Variants in CEMIP2 observed in about 807,000 individuals in gnomAD.
CEMIP2 encodes cell migration inducing hyaluronidase 2.
CEMIP2 carries 79 observed loss-of-function variants against 146.9 expected under a neutral mutation model. The observed-to-expected ratio is 0.54, with a 90% confidence interval of 0.45 to 0.65. CEMIP2 has a LOEUF of 0.65. CEMIP2 is among the 30% of genes least tolerant of loss of function. CEMIP2 has a pLI of 0.00. For missense variants in CEMIP2, 1,596 were observed against 1,696.2 expected, an observed-to-expected ratio of 0.94 and a Z score of 1.04; for synonymous variants, 601 against 606.3, an observed-to-expected ratio of 0.99 and a Z score of 0.13.
At chr9:71,729,779 A>C in intron 10 of CEMIP2, 66 bp downstream of exon 10, 1 of 1,521,068 alleles carries the variant, frequency 6.6e-7, no homozygotes, top group South Asian at 1.1e-5. Context: ...TTAAATCCAA[A>C]TAAACCAGAC....
At chr9:71,741,898 G>T (rs1823932113) in intron 4 of CEMIP2, among the ~76,000 whole-genome samples, 1 of 151,638 alleles carries the variant, frequency 6.6e-6, no homozygotes, top group Admixed American at 6.6e-5. Flanking sequence ...TGACCTCCTT[G>T]GCCTCCTAAA....
intron 1 of CEMIP2, among the ~76,000 whole-genome samples, chr9:71,765,778 T>C (rs544583583): frequency 1.3e-5 from 2 of 152,304 alleles, no homozygotes; most frequent in Admixed American, 6.5e-5. Context: ...ATCTCTCTAG[T>C]TGCAAGTGAC....
chr9:71,734,526 A>T (rs996270772), intron 6 of CEMIP2, among the ~76,000 whole-genome samples: 1 of 152,192 alleles, frequency 6.6e-6, no homozygotes, highest in African/African-American at 2.4e-5. Flanking sequence ...AATAGAAAAG[A>T]CCTTGGAAAA....
intron 1 of CEMIP2, among the ~76,000 whole-genome samples, chr9:71,755,376 C>T (rs1824401248): frequency 6.9e-6 from 1 of 145,074 alleles, no homozygotes; most frequent in Admixed American, 7.0e-5. Context: ...CACACACACA[C>T]ACACAAAATT....
intron 1 of CEMIP2, among the ~76,000 whole-genome samples, chr9:71,762,159 G>A (rs1004646151): frequency 2.6e-5 from 4 of 152,062 alleles, no homozygotes; most frequent in Non-Finnish European, 5.9e-5. Context: ...CCTAGGCCAC[G>A]TGAAACCTAA....
intron 3 of CEMIP2, 99 bp downstream of exon 3, chr9:71,746,102 C>G: frequency 7.3e-7 from 1 of 1,362,720 alleles, no homozygotes; most frequent in Non-Finnish European, 1.0e-6. Context: ...AAACTAAAGC[C>G]TATTCTGCCT....
intron 7 of CEMIP2, among the ~76,000 whole-genome samples, chr9:71,731,360 T>G (rs1211068890): frequency 6.6e-6 from 1 of 152,224 alleles, no homozygotes; most frequent in Non-Finnish European, 1.5e-5. Context: ...ATCCAAAGTT[T>G]GAGCACTCTC....
intron 17 of CEMIP2, 36 bp downstream of exon 17, chr9:71,709,223 G>A (rs1444639992): frequency 6.3e-7 from 1 of 1,598,724 alleles, no homozygotes; most frequent in Admixed American, 1.7e-5. Flanking sequence ...GCAGGAGCTG[G>A]TAGGAACTTG....
chr9:71,758,873 C>T (rs1266731544), intron 1 of CEMIP2, among the ~76,000 whole-genome samples: 1 of 152,202 alleles, frequency 6.6e-6, no homozygotes, highest in Non-Finnish European at 1.5e-5. Context: ...CACTGTCCCA[C>T]AAGGCGCATT....
In CEMIP2 at chr9:71,715,088, C is replaced by T; in HGVS notation, c.2437G>A (p.Asp813Asn). The change falls in exon 15 of 24, where the codon GAT becomes AAT. Residue 813 changes from aspartate (D) to asparagine (N), a missense_variant and splice_region_variant. Coordinates refer to ENST00000377044, the MANE Select transcript of CEMIP2 (RefSeq NM_013390.3). ...DNGIGLTFAS[D>N]GSFPSDEGSS... ...CCTTCATCACTTGGGAAGCTTCCATCACTGTTAAAATGCGAACAATCATTA... is the reference window on the plus strand; with the variant it reads ...CCTTCATCACTTGGGAAGCTTCCATTACTGTTAAAATGCGAACAATCATTA... The T allele has an allele frequency of 6.2e-7, 1 of 1,613,354 alleles. No individual in the cohort carries two copies. The highest frequency in any genetic ancestry group is 8.5e-7 in the Non-Finnish European group (1 of 1,179,732).
Position 71,723,792 on chromosome 9 carries a change from GGTGTGTGCCT to G in CEMIP2, c.2179-1287_2179-1278del, listed in dbSNP as rs1016147642. 6.6e-5 allele frequency among the ~76,000 whole-genome samples: 10 copies of G among 152,196 alleles called. 1 individual carries two copies. Among genetic ancestry groups the G allele is most frequent in the East Asian group, 3.9e-4 (2 of 5,176 alleles). ...CAGTGTGTGTGTGCGCACACATGTGGGTGTGTGCCTGTGTGTGCATGTATGTGTTTATGAG... is the reference window on the plus strand; with the variant it reads ...CAGTGTGTGTGTGCGCACACATGTGGGTGTGTGCATGTATGTGTTTATGAG... On this transcript the variant is annotated intron_variant, in intron 11 of 23. Coordinates refer to ENST00000377044, the MANE Select transcript of CEMIP2 (RefSeq NM_013390.3).
At chr9:71,756,861 A>G (rs550801650) in intron 1 of CEMIP2, among the ~76,000 whole-genome samples, 2 of 152,232 alleles carry the variant, frequency 1.3e-5, no homozygotes, top group East Asian at 3.8e-4. Context: ...ACATTATGAA[A>G]TGCAGTAGGC....
At chr9:71,699,909 C>T (rs1397786214) in intron 19 of CEMIP2, among the ~76,000 whole-genome samples, 1 of 152,218 alleles carries the variant, frequency 6.6e-6, no homozygotes, top group Non-Finnish European at 1.5e-5. Flanking sequence ...CTTTCCTTCT[C>T]TAATGACTTG....
At position 71,692,120 on chromosome 9, in the gene CEMIP2, G is replaced by GA. The variant is rs1172373191; in HGVS notation, c.3697-1875dup. On this transcript the variant is annotated intron_variant, in intron 21 of 23. Transcript: ENST00000377044. The stretch of plus-strand genomic sequence containing the variant: ...CGAGACTCTATCTTAAAAAAAAAAA[G>GA]AAAAAAAAAAACAACCAAAAACCCC... 2.0e-3 allele frequency among the ~76,000 whole-genome samples: 255 copies of GA among 129,992 alleles called. 1 individual carries two copies. Among genetic ancestry groups the GA allele is most frequent in the African/African-American group, 5.0e-3 (173 of 34,288 alleles). The allele number at this position is 129,992 out of a possible 152,430, so 85.3% of individuals were successfully genotyped here.
chr9:71,746,677 T>C (rs1824101010), intron 2 of CEMIP2, among the ~76,000 whole-genome samples: 1 of 148,678 alleles, frequency 6.7e-6, no homozygotes, highest in Non-Finnish European at 1.5e-5. Flanking sequence ...AAATTATACA[T>C]TCTCTTGGGA....
chr9:71,760,415 T>C (rs1183087391), intron 1 of CEMIP2, among the ~76,000 whole-genome samples: 1 of 143,786 alleles, frequency 7.0e-6, no homozygotes, highest in African/African-American at 2.4e-5. Context: ...CTTCTTAAAG[T>C]GAAATAAATG....
intron 6 of CEMIP2, among the ~76,000 whole-genome samples, 188 bp downstream of exon 6, chr9:71,734,618 T>A (rs967053751): frequency 2.0e-5 from 3 of 152,172 alleles, no homozygotes; most frequent in African/African-American, 7.2e-5. Flanking sequence ...TATTGCTCAA[T>A]AGCTATTTTT....
At chr9:71,725,774 TA>T in intron 10 of CEMIP2, 65 bp from the exon 11 acceptor site, 1 of 1,500,436 alleles carries the variant, frequency 6.7e-7, no homozygotes, top group Non-Finnish European at 8.9e-7. Flanking sequence ...AACACTCTCA[TA>T]AACTAACTTC....
chr9:71,731,013 T>C (rs1823601240), intron 7 of CEMIP2, 99 bp from the exon 8 acceptor site: 1 of 922,794 alleles, frequency 1.1e-6, no homozygotes, highest in South Asian at 1.6e-5. Context: ...AGAATACTTA[T>C]TAAAACATTC....
Sources: gnomAD v4.1 joint callset for allele counts (sites outside exome capture counted in the v4.1 genomes callset) on GRCh38, gnomAD v4.1.1 for gene constraint, MANE v1.5 for transcripts, NCBI Gene and HGNC (gene_info 2026-07-23, HGNC 2026-07-21) for gene names.